Variants in DLC1 observed in about 807,000 individuals in gnomAD.
The protein encoded by DLC1 is rho GTPase-activating protein 7.
A neutral mutation model predicts 140.3 loss-of-function variants in DLC1; 54 were observed. The observed-to-expected ratio is 0.38, with a 90% confidence interval of 0.31 to 0.48. The LOEUF (loss-of-function observed/expected upper bound fraction) is 0.48, where lower values mean the gene tolerates loss of function less well. DLC1 is among the 20% of genes least tolerant of loss of function. The probability of loss-of-function intolerance (pLI) is 0.96; values close to 1 mark genes in which losing one functional copy is unlikely to be tolerated. For missense variants in DLC1, 2,536 were observed against 1,907.0 expected (o/e 1.33, Z -6.14); for synonymous variants, 986 against 728.1 (o/e 1.35, Z -5.70).
intron 8 of DLC1, among the ~76,000 whole-genome samples, chr8:13,102,056 C>T (rs561536549): frequency 6.6e-6 from 1 of 152,268 alleles, no homozygotes; most frequent in African/African-American, 2.4e-5. Context: ...AAAGCTTTGA[C>T]TCCCCAAGAA....
intron 5 of DLC1, among the ~76,000 whole-genome samples, chr8:13,153,539 A>C (rs1824005882): frequency 6.6e-6 from 1 of 152,200 alleles, no homozygotes. Flanking sequence ...GCCTGCTCTT[A>C]TTCCCTTATG....
At chr8:13,398,481 G>A (rs1191927902) in intron 3 of DLC1, among the ~76,000 whole-genome samples, 2 of 151,748 alleles carry the variant, frequency 1.3e-5, no homozygotes, top group African/African-American at 4.8e-5. Context: ...AATCAAGAAA[G>A]AGGCTGAGTA....
At chr8:13,507,040 AACAGACATGATC>A (rs1449050033) in intron 1 of DLC1, among the ~76,000 whole-genome samples, 2 of 152,156 alleles carry the variant, frequency 1.3e-5, no homozygotes, top group Non-Finnish European at 2.9e-5. Flanking sequence ...ACAACCTGGA[AACAGACATGATC>A]ACAGGAGCAC....
intron 7 of DLC1, among the ~76,000 whole-genome samples, chr8:13,109,927 A>G (rs1819934614): frequency 6.6e-6 from 1 of 152,118 alleles, no homozygotes; most frequent in African/African-American, 2.4e-5. Flanking sequence ...AAACAAAAAC[A>G]AAAAAACCCT....
At position 13,578,127 on chromosome 8, in the gene DLC1, C is replaced by G. The variant is rs112543629; in HGVS notation, c.-126+26410G>C. On this transcript the variant is annotated intron_variant, in intron 1 of 1. Coordinates refer to the DLC1 transcript ENST00000631382. The stretch of plus-strand genomic sequence containing the variant: ...CTCCCTGGGAGTTGGCTCCTTTCCT[C>G]AAATTCACTGGTCACTTTGACCTTC... Among the ~76,000 whole-genome samples, 46 of 152,194 alleles carry G rather than the reference C, an allele frequency of 3.0e-4. 1 individual carries two copies. The highest frequency in any genetic ancestry group is 9.6e-4 in the African/African-American group (40 of 41,524).
chr8:13,173,749 C>T (rs1585839098), intron 5 of DLC1, among the ~76,000 whole-genome samples: 1 of 152,188 alleles, frequency 6.6e-6, no homozygotes, highest in African/African-American at 2.4e-5. Context: ...TATAAAACTA[C>T]AGATTTCGAA....
chr8:13,121,538 C>G (rs1563640555), intron 5 of DLC1, among the ~76,000 whole-genome samples: 1 of 152,018 alleles, frequency 6.6e-6, no homozygotes, highest in South Asian at 2.1e-4. Flanking sequence ...AGGCATTGCG[C>G]TGGGGAGTTT....
intron 4 of DLC1, among the ~76,000 whole-genome samples, chr8:13,386,182 G>A (rs1005040450): frequency 3.2e-4 from 48 of 152,226 alleles, no homozygotes; most frequent in African/African-American, 1.2e-3. Flanking sequence ...CTATTCATAT[G>A]ACTAAAGTCT....
chr8:13,358,713 T>C (rs987356448), intron 4 of DLC1, among the ~76,000 whole-genome samples: 1 of 151,714 alleles, frequency 6.6e-6, no homozygotes, highest in Non-Finnish European at 1.5e-5. Context: ...CTAACAAAGA[T>C]AAAGGAAATG....
At chr8:13,378,837 C>A (rs138694063) in intron 4 of DLC1, among the ~76,000 whole-genome samples, 1 of 152,074 alleles carries the variant, frequency 6.6e-6, no homozygotes, top group African/African-American at 2.4e-5. Flanking sequence ...ATTCATACAG[C>A]AAATATAATT....
At chr8:13,284,260 C>T (rs578224398) in intron 5 of DLC1, among the ~76,000 whole-genome samples, 2 of 152,214 alleles carry the variant, frequency 1.3e-5, no homozygotes, top group Non-Finnish European at 2.9e-5. Context: ...GGCGCGGTGG[C>T]TCATGCCTGT....
At chr8:13,396,099 G>A (rs56920284) in intron 3 of DLC1, among the ~76,000 whole-genome samples, 1,334 of 122,590 alleles carry the variant, frequency 0.011, 24 homozygotes, top group African/African-American at 0.038. Flanking sequence ...TCACTCTGTT[G>A]CCCAGGCTGG....
intron 5 of DLC1, among the ~76,000 whole-genome samples, chr8:13,178,120 TA>T (rs565171794): frequency 4.6e-5 from 7 of 151,998 alleles, no homozygotes; most frequent in African/African-American, 1.7e-4. Context: ...ATCATTGATT[TA>T]AAAAAAATCA....
At chr8:13,558,220 T>C (rs1804120659) in intron 1 of DLC1, 1 of 152,232 alleles carries the variant, frequency 6.6e-6, no homozygotes, top group Admixed American at 6.5e-5. Context: ...TCTTCTATTC[T>C]GTTTTACCTG....
chr8:13,352,377 C>T (rs187342345), intron 4 of DLC1, among the ~76,000 whole-genome samples: 21 of 152,064 alleles, frequency 1.4e-4, no homozygotes, highest in Admixed American at 1.0e-3. Flanking sequence ...TATTTTTTTA[C>T]GAGATGGGGT....
At chr8:13,188,801 G>GTGTGTATA (rs1293675412) in intron 5 of DLC1, among the ~76,000 whole-genome samples, 3 of 71,882 alleles carry the variant, frequency 4.2e-5, no homozygotes, top group African/African-American at 2.0e-4. Context: ...GTGTGTGTGT[G>GTGTGTATA]TATATATATA....
At chr8:13,513,770 T>C (rs896730648) in intron 1 of DLC1, among the ~76,000 whole-genome samples, 2 of 152,192 alleles carry the variant, frequency 1.3e-5, no homozygotes, top group African/African-American at 4.8e-5. Context: ...CAGGTGGAAA[T>C]GTAATTTTAC....
chr8:13,541,072 A>T (rs1286051357), intron 1 of DLC1, among the ~76,000 whole-genome samples: 1 of 152,238 alleles, frequency 6.6e-6, no homozygotes. Flanking sequence ...CAAGAAAATT[A>T]ACCAATTTTA....
At chr8:13,116,417 G>T (rs1820562466) in intron 5 of DLC1, among the ~76,000 whole-genome samples, 1 of 152,160 alleles carries the variant, frequency 6.6e-6, no homozygotes, top group Admixed American at 6.5e-5. Context: ...CACAGAGGAG[G>T]TCCTGGGAAC....
Sources: allele counts gnomAD v4.1 joint callset (sites outside exome capture counted in the v4.1 genomes callset), GRCh38; gene constraint gnomAD v4.1.1; transcripts MANE v1.5; gene names NCBI Gene and HGNC (gene_info 2026-07-23, HGNC 2026-07-21).